Variants in COL11A1 observed in about 807,000 individuals in gnomAD.
The protein encoded by COL11A1 is collagen type XI alpha 1 chain.
COL11A1 carries 74 observed loss-of-function variants against 265.2 expected under a neutral mutation model. The observed-to-expected ratio is 0.28, with a 90% CI of 0.23 to 0.34. The LOEUF is 0.34. Among genes scored for constraint, COL11A1 ranks in the 10% least tolerant of loss-of-function variants. COL11A1 has a pLI of 1.00. For missense variants in COL11A1, 2,165 were observed against 2,263.6 expected (o/e 0.96, Z 0.88); for synonymous variants, 816 against 727.6 (o/e 1.12, Z -1.96).
Position 103,022,962 on chromosome 1 carries a change from T to C in COL11A1, c.1025A>G (p.Tyr342Cys), listed in dbSNP as rs1257791806. Residue 342 changes from tyrosine (Y) to cysteine (C), a missense_variant, in exon 8 of 67, where the codon TAT becomes TGT. By Grantham distance (194) the Tyr-to-Cys change is radical (BLOSUM62 -2). Transcript: ENST00000370096. ...NPVEEIFTEE[Y>C]LTGEDYDSQR... ...GGAATCATAATCCTCTCCCGTTAGA[T>C]ATTCTTCAGTAAATATTTCTTCAAC... 8.1e-6 allele frequency: 13 copies of C among 1,613,146 alleles called. No homozygotes were observed. The highest frequency in any genetic ancestry group is 1.1e-5 in the Non-Finnish European group (13 of 1,179,498).
intron 7 of COL11A1, 70 bp downstream of exon 7, chr1:103,025,451 T>A: frequency 9.7e-7 from 1 of 1,034,258 alleles, no homozygotes; most frequent in Non-Finnish European, 1.5e-6. Flanking sequence ...TCTTCCAGAG[T>A]GAAGTATATC....
chr1:103,052,347 T>C (rs1192456921), intron 4 of COL11A1, among the ~76,000 whole-genome samples: 2 of 152,188 alleles, frequency 1.3e-5, no homozygotes, highest in Middle Eastern at 3.2e-3. Flanking sequence ...TAGTATGGTA[T>C]AAAAGACAAA....
At chr1:103,051,163 T>C (rs1669789650) in intron 4 of COL11A1, among the ~76,000 whole-genome samples, 2 of 152,214 alleles carry the variant, frequency 1.3e-5, no homozygotes, top group African/African-American at 2.4e-5. Flanking sequence ...CAGAGGTTAC[T>C]GCTGTCTTTT....
chr1:102,905,515 T>TAAA (rs35687179), intron 54 of COL11A1, among the ~76,000 whole-genome samples: 10 of 140,094 alleles, frequency 7.1e-5, no homozygotes, highest in East Asian at 2.1e-4. Flanking sequence ...CCATATAAGT[T>TAAA]AAAAAAAAAA....
chr1:102,959,224 C>T (rs1160394006), intron 41 of COL11A1, among the ~76,000 whole-genome samples: 2 of 152,180 alleles, frequency 1.3e-5, no homozygotes, highest in Non-Finnish European at 2.9e-5. Flanking sequence ...CTACATCTTG[C>T]AATTTCAGAG....
At chr1:103,078,154 A>C (rs1220077491) in intron 3 of COL11A1, among the ~76,000 whole-genome samples, 2 of 152,044 alleles carry the variant, frequency 1.3e-5, no homozygotes, top group Non-Finnish European at 2.9e-5. Flanking sequence ...GTGTTATACC[A>C]TCTGGCCTCC....
chr1:103,012,433 T>G lies in COL11A1; in HGVS notation c.1609A>C (p.Thr537Pro), dbSNP rs1436840107. 3.7e-6 allele frequency: 6 copies of G among 1,613,360 alleles called. No individual in the cohort carries two copies. The highest frequency in any genetic ancestry group is 4.2e-6 in the Non-Finnish European group (5 of 1,179,392). Residue 537 changes from threonine to proline, a missense_variant, in exon 14 of 67, where the codon ACT becomes CCT. Thr to Pro is a conservative substitution (Grantham distance 38). Transcript: ENST00000370096. The part of the protein sequence containing the change: ...LRGPPGPMGL[T>P]GRPGPVGGPG... ...CCTACCACAGGACCTGGTCTTCCAG[T>G]TAGACCCATTGGGCCAGGTGGGCCT...
At position 103,002,808 on chromosome 1, in the gene COL11A1, G is replaced by T; in HGVS notation, c.1999-17C>A. 2 of 1,611,064 alleles carry T rather than the reference G, an allele frequency of 1.2e-6. No individual in the cohort carries two copies. The highest frequency in any genetic ancestry group is 1.1e-5 in the South Asian group (1 of 90,964). On this transcript the variant is annotated splice_polypyrimidine_tract_variant and intron_variant, in intron 21 of 66. Coordinates refer to ENST00000370096, the MANE Select transcript of COL11A1 (RefSeq NM_001854.4). ...TGCCATACCCTGCAATGAAGAAAAA[G>T]TATTTATGGTTGTTTATATGTTTTG...
intron 2 of COL11A1, 52 bp from the exon 3 acceptor site, chr1:103,078,923 T>G (rs1672190808): frequency 3.1e-6 from 4 of 1,291,846 alleles, no homozygotes; most frequent in Non-Finnish European, 4.4e-6. Flanking sequence ...AATTTCTACT[T>G]TATTCCTAGA....
chr1:102,907,042 T>A (rs928302587), intron 54 of COL11A1, among the ~76,000 whole-genome samples: 6 of 152,140 alleles, frequency 3.9e-5, no homozygotes, highest in Non-Finnish European at 7.3e-5. Flanking sequence ...AGTTTCAATT[T>A]ATTGTTGCCA....
chr1:102,884,878 C>T (rs1226542744), intron 63 of COL11A1, among the ~76,000 whole-genome samples: 3 of 152,156 alleles, frequency 2.0e-5, no homozygotes, highest in Non-Finnish European at 4.4e-5. Context: ...ACTTTCACTC[C>T]TATAACCCTT....
chr1:102,917,416 A>T (rs557781776), intron 49 of COL11A1, among the ~76,000 whole-genome samples: 1 of 152,114 alleles, frequency 6.6e-6, no homozygotes, highest in Non-Finnish European at 1.5e-5. Context: ...ACTCTTCTGG[A>T]CATTGGTCTA....
intron 42 of COL11A1, among the ~76,000 whole-genome samples, chr1:102,942,792 A>T (rs1388626944): frequency 6.6e-6 from 1 of 152,106 alleles, no homozygotes; most frequent in Admixed American, 6.6e-5. Context: ...GATGGTAATG[A>T]TAATACTACT....
At chr1:103,067,959 T>C (rs188789032) in intron 4 of COL11A1, among the ~76,000 whole-genome samples, 1 of 151,622 alleles carries the variant, frequency 6.6e-6, no homozygotes, top group African/African-American at 2.4e-5. Context: ...GTTAAAACAA[T>C]TCTAAAAAGA....
chr1:103,043,654 A>G (rs1400650331), intron 4 of COL11A1, among the ~76,000 whole-genome samples: 1 of 152,142 alleles, frequency 6.6e-6, no homozygotes, highest in Non-Finnish European at 1.5e-5. Flanking sequence ...CAACTAATAT[A>G]GATTTAAGCT....
In COL11A1 at chr1:103,022,782, C is replaced by A; in HGVS notation, c.1205G>T (p.Gly402Val). The A allele has an allele frequency of 6.2e-7, 1 of 1,613,650 alleles. No homozygotes were observed. The highest frequency in any genetic ancestry group is 8.5e-7 in the Non-Finnish European group (1 of 1,179,946). Residue 402 changes from glycine (G) to valine (V), a missense_variant, in exon 8 of 67, where the codon GGT (glycine) becomes GTT (valine). Transcript: ENST00000370096. ...KPTSPPNEEF[G>V]PGVPAETDIT... ...ATCAGTTTCTGCTGGTACACCTGGACCAAATTCTTCATTAGGGGGGCTTGT... is the reference window on the plus strand; with the variant it reads ...ATCAGTTTCTGCTGGTACACCTGGAACAAATTCTTCATTAGGGGGGCTTGT...
rs560780447 is a variant in COL11A1 at position 103,097,180 on chromosome 1, T to G, written c.106+10893A>C. On this transcript the variant is annotated intron_variant, in intron 1 of 66. Coordinates refer to ENST00000370096, the MANE Select transcript of COL11A1 (RefSeq NM_001854.4). ...CGAAGTATGCACTGACCCTGCTAAC[T>G]TGGCAGTTTCCTTGTACTTTTTAAT... 3.3e-5 allele frequency among the ~76,000 whole-genome samples: 5 copies of G among 152,110 alleles called. No homozygotes were observed. The South Asian group carries it at 1.0e-3, about 31-fold the overall frequency.
chr1:103,002,089 C>G (rs1392939055), intron 23 of COL11A1, 120 bp from the exon 24 acceptor site: 10 of 855,270 alleles, frequency 1.2e-5, no homozygotes, highest in East Asian at 5.2e-5. Context: ...TATATATTCC[C>G]ATACACCCCA....
intron 1 of COL11A1, among the ~76,000 whole-genome samples, chr1:103,088,487 T>C (rs1673049187): frequency 6.6e-6 from 1 of 152,236 alleles, no homozygotes. Context: ...AGAATAATTG[T>C]ACATTTTAAA....
Sources: gnomAD v4.1 joint callset for allele counts (sites outside exome capture counted in the v4.1 genomes callset) on GRCh38, gnomAD v4.1.1 for gene constraint, MANE v1.5 for transcripts, NCBI Gene and HGNC (gene_info 2026-07-23, HGNC 2026-07-21) for gene names.